The following DGKB variants were observed in gnomAD, a reference collection of about 807,000 sequenced individuals.
DGKB encodes the protein 90 kDa diacylglycerol kinase.
In DGKB, 67 loss-of-function variants were observed where a neutral mutation model predicts 114.3. The observed-to-expected ratio is 0.59, with a 90% confidence interval of 0.48 to 0.72. The LOEUF is 0.72. Among genes scored for constraint, DGKB ranks in the 30% least tolerant of loss-of-function variants. The probability of loss-of-function intolerance (pLI) is 0.00; values close to 1 mark genes in which losing one functional copy is unlikely to be tolerated. For missense variants in DGKB, 907 were observed against 975.2 expected (o/e 0.93, Z 0.93); for synonymous variants, 398 against 323.1 (o/e 1.23, Z -2.49).
chr7:14,970,205 A>AATGATGATAATGACGATG (rs1787376304), intron 1 of DGKB, among the ~76,000 whole-genome samples: 1 of 152,180 alleles, frequency 6.6e-6, no homozygotes, highest in Non-Finnish European at 1.5e-5. Flanking sequence ...GGCTGCTACC[A>AATGATGATAATGACGATG]ATGATGATAA....
chr7:14,668,076 C>T (rs1818348027), intron 13 of DGKB, among the ~76,000 whole-genome samples: 1 of 151,834 alleles, frequency 6.6e-6, no homozygotes, highest in Non-Finnish European at 1.5e-5. Flanking sequence ...TAGGGAATCA[C>T]CAAAAATATT....
intron 12 of DGKB, among the ~76,000 whole-genome samples, chr7:14,673,346 T>C (rs1003616804): frequency 5.9e-5 from 9 of 151,886 alleles, no homozygotes; most frequent in African/African-American, 2.2e-4. Flanking sequence ...TCCATTACAG[T>C]TCTTCCTTTG....
At position 14,424,953 on chromosome 7, in the gene DGKB, G is replaced by A. The variant is rs182198921; in HGVS notation, c.1835+53208C>T. Reference sequence around the variant, plus strand: ...ATGAGTTCACTCTCCATTCTTCTGGGCTTTATTTTTGCTTACTTACTCAAG... The same window carrying A: ...ATGAGTTCACTCTCCATTCTTCTGGACTTTATTTTTGCTTACTTACTCAAG... On this transcript the variant is annotated intron_variant, in intron 21 of 25. Coordinates refer to ENST00000402815, the MANE Select transcript of DGKB (RefSeq NM_001350709.2). Among the ~76,000 whole-genome samples the A allele has an allele frequency of 1.4e-4, 22 of 152,068 alleles. No homozygotes were observed. The East Asian group carries it at 4.3e-3, about 29-fold the overall frequency.
intron 21 of DGKB, among the ~76,000 whole-genome samples, chr7:14,413,217 G>A (rs1244906523): frequency 1.3e-5 from 2 of 151,996 alleles, no homozygotes; most frequent in African/African-American, 2.4e-5. Context: ...AAAACAATAC[G>A]CCATTTCAGC....
chr7:14,627,933 A>G (rs1808913794), intron 14 of DGKB, among the ~76,000 whole-genome samples: 5 of 132,338 alleles, frequency 3.8e-5, no homozygotes, highest in African/African-American at 1.4e-4. Context: ...ACAGAGTGAG[A>G]CCTTGTCTCA....
chr7:14,350,241 G>GA (rs1255473724), intron 21 of DGKB, among the ~76,000 whole-genome samples: 1 of 152,092 alleles, frequency 6.6e-6, no homozygotes, highest in Non-Finnish European at 1.5e-5. Flanking sequence ...TTGTTGCTAT[G>GA]AAATTTAGTT....
At chr7:14,359,697 G>C (rs1181531808) in intron 21 of DGKB, among the ~76,000 whole-genome samples, 1 of 152,158 alleles carries the variant, frequency 6.6e-6, no homozygotes. Flanking sequence ...CATTTATACA[G>C]CCAACAGACA....
At chr7:14,494,236 T>C (rs1389426336) in intron 20 of DGKB, among the ~76,000 whole-genome samples, 4 of 152,040 alleles carry the variant, frequency 2.6e-5, no homozygotes, top group Non-Finnish European at 4.4e-5. Context: ...TTTTCTATGA[T>C]ATTAACTTAG....
At chr7:14,845,787 T>C (rs190765893) in intron 1 of DGKB, among the ~76,000 whole-genome samples, 24 of 152,154 alleles carry the variant, frequency 1.6e-4, no homozygotes, top group African/African-American at 5.8e-4. Context: ...GGTTTCAGTT[T>C]TCCTAGGGAC....
At chr7:14,326,961 C>G (rs897876061) in intron 23 of DGKB, among the ~76,000 whole-genome samples, 1 of 152,092 alleles carries the variant, frequency 6.6e-6, no homozygotes, top group Non-Finnish European at 1.5e-5. Context: ...CAAGACATAT[C>G]TGAGTACTCA....
At chr7:14,416,122 G>A (rs1825694865) in intron 21 of DGKB, among the ~76,000 whole-genome samples, 1 of 151,944 alleles carries the variant, frequency 6.6e-6, no homozygotes, top group African/African-American at 2.4e-5. Flanking sequence ...GGGGTTGTTT[G>A]TTTTTTTCTT....
At chr7:14,570,499 C>A (rs1326202016) in intron 20 of DGKB, among the ~76,000 whole-genome samples, 3 of 152,032 alleles carry the variant, frequency 2.0e-5, no homozygotes, top group Non-Finnish European at 4.4e-5. Flanking sequence ...AACTAATACT[C>A]TACTGTTGAC....
intron 21 of DGKB, among the ~76,000 whole-genome samples, chr7:14,399,594 A>G (rs548267907): frequency 6.6e-6 from 1 of 152,056 alleles, no homozygotes; most frequent in Admixed American, 6.6e-5. Flanking sequence ...ATTACTATGT[A>G]TAGTGACTGT....
intron 23 of DGKB, among the ~76,000 whole-genome samples, chr7:14,333,572 G>C (rs927009651): frequency 2.6e-5 from 4 of 151,414 alleles, no homozygotes; most frequent in African/African-American, 9.7e-5. Flanking sequence ...ATTTTGTTTT[G>C]GTTTTGTGGT....
chr7:14,534,030 A>G (rs1398285273), intron 20 of DGKB, among the ~76,000 whole-genome samples: 1 of 152,078 alleles, frequency 6.6e-6, no homozygotes, highest in Non-Finnish European at 1.5e-5. Flanking sequence ...TAATACTGAA[A>G]TGTTATATAA....
intron 17 of DGKB, among the ~76,000 whole-genome samples, chr7:14,599,789 T>C (rs970560147): frequency 6.6e-6 from 1 of 152,184 alleles, no homozygotes; most frequent in African/African-American, 2.4e-5. Context: ...TCATCTGCTA[T>C]GGGTTTTCTT....
At chr7:14,925,577 A>T (rs1784703890) in intron 1 of DGKB, among the ~76,000 whole-genome samples, 1 of 152,164 alleles carries the variant, frequency 6.6e-6, no homozygotes, top group Admixed American at 6.6e-5. Context: ...TATTGCATCA[A>T]AAATTTTTAA....
At chr7:14,816,882 C>G (rs1844232956) in intron 2 of DGKB, among the ~76,000 whole-genome samples, 1 of 152,158 alleles carries the variant, frequency 6.6e-6, no homozygotes, top group Non-Finnish European at 1.5e-5. Context: ...CAGGGATAAG[C>G]TGGTGAGTTT....
At chr7:14,251,924 CAATT>C (rs1795303831) in intron 23 of DGKB, among the ~76,000 whole-genome samples, 2 of 152,172 alleles carry the variant, frequency 1.3e-5, no homozygotes, top group Non-Finnish European at 2.9e-5. Flanking sequence ...GTCACTTTCA[CAATT>C]AATTGTCTTT....
Sources: gnomAD v4.1 joint callset for allele counts (sites outside exome capture counted in the v4.1 genomes callset) on GRCh38, gnomAD v4.1.1 for gene constraint, MANE v1.5 for transcripts, NCBI Gene and HGNC (gene_info 2026-07-23, HGNC 2026-07-21) for gene names.